SMARCA4: variants seen among roughly 807,000 people sequenced by gnomAD.
SMARCA4 encodes SWI/SNF related BAF chromatin remodeling complex subunit ATPase 4, also known as SWI/SNF-related matrix-associated actin-dependent regulator of chromatin subfamily A member 4.
In SMARCA4, 31 loss-of-function variants were observed where a neutral mutation model predicts 193.9. The ratio of observed to expected loss-of-function variants is 0.16; its 90% CI spans 0.12 to 0.22. SMARCA4 has a LOEUF of 0.22. Among genes scored for constraint, SMARCA4 ranks in the 10% least tolerant of loss-of-function variants. The pLI, the probability that SMARCA4 is intolerant of heterozygous loss-of-function variation, is 1.00. For missense variants in SMARCA4, 1,148 were observed against 2,296.0 expected (o/e 0.50, Z 10.22); for synonymous variants, 942 against 933.1 (o/e 1.01, Z -0.17).
At chr19:11,053,468 A>G (rs1183567886) in intron 30 of SMARCA4, among the ~76,000 whole-genome samples, 4 of 148,570 alleles carry the variant, frequency 2.7e-5, no homozygotes, top group South Asian at 4.2e-4. Flanking sequence ...AAAAAAAAAA[A>G]GAAAGAAATT....
chr19:11,020,808 T>C (rs1030883545), intron 18 of SMARCA4: 1 of 152,132 alleles, frequency 6.6e-6, no homozygotes, highest in Non-Finnish European at 1.5e-5. Context: ...ATACTGGGGC[T>C]GTGAACTGGG....
chr19:10,976,844 CA>C (rs1373747579), intron 1 of SMARCA4, among the ~76,000 whole-genome samples: 2 of 151,458 alleles, frequency 1.3e-5, no homozygotes, highest in Admixed American at 1.3e-4. Flanking sequence ...TGCCTGAGCT[CA>C]GGAGTTTGAG....
chr19:10,985,564 C>A lies in SMARCA4; in HGVS notation c.355+159C>A. ...CAGAGAGCTGTCTGGCATGGCGTGG[C>A]TGGTGCTCTGTTCTGGCCACCTCGT... On this transcript the variant is annotated intron_variant, in intron 3 of 34. Transcript: ENST00000344626. The surrounding 1 kb of genome is among the most constrained non-coding windows in gnomAD (Gnocchi z 4.5). 1 of 380,534 alleles carries A rather than the reference C, an allele frequency of 2.6e-6. No individual in the cohort carries two copies. The allele number at this position is 380,534 out of a possible 1,614,324, so 23.6% of individuals were successfully genotyped here. A position where few individuals can be genotyped will look rare whatever the true frequency, so the allele number is the denominator to read the frequency against.
chr19:10,971,033 C>G (rs2084626867), intron 1 of SMARCA4, among the ~76,000 whole-genome samples: 1 of 152,026 alleles, frequency 6.6e-6, no homozygotes, highest in African/African-American at 2.4e-5. Flanking sequence ...ACCTAGTCTA[C>G]TAAAAATACA....
chr19:11,007,863 G>T (rs1179713131), intron 13 of SMARCA4, 39 bp from the exon 14 acceptor site: 1 of 1,611,680 alleles, frequency 6.2e-7, no homozygotes, highest in African/African-American at 1.3e-5. Context: ...CCCCTCTCTG[G>T]GGGATGAACT....
At chr19:10,992,083 C>G (rs975265257) in intron 8 of SMARCA4, among the ~76,000 whole-genome samples, 1 of 151,112 alleles carries the variant, frequency 6.6e-6, no homozygotes, top group African/African-American at 2.4e-5. Flanking sequence ...GTAAAATAAT[C>G]TAGACAGTCA....
At chr19:11,059,003 G>C in intron 32 of SMARCA4, 114 bp downstream of exon 32, 1 of 832,152 alleles carries the variant, frequency 1.2e-6, no homozygotes, top group Non-Finnish European at 2.0e-6. Flanking sequence ...CGCTAGCTGT[G>C]GTGGTTCGTG....
chr19:11,056,018 T>G (rs1221087720), intron 30 of SMARCA4, among the ~76,000 whole-genome samples: 1 of 152,226 alleles, frequency 6.6e-6, no homozygotes, highest in Non-Finnish European at 1.5e-5. Flanking sequence ...GCGCAACTCT[T>G]GCTGTGCCTT....
At chr19:11,049,421 C>T (rs902439456) in intron 30 of SMARCA4, among the ~76,000 whole-genome samples, 2 of 151,320 alleles carry the variant, frequency 1.3e-5, no homozygotes, top group African/African-American at 4.9e-5. Flanking sequence ...TCTGTGGCTT[C>T]GGGTCAGGTT....
chr19:11,027,139 T>C (rs776740101), intron 23 of SMARCA4, among the ~76,000 whole-genome samples: 1 of 152,226 alleles, frequency 6.6e-6, no homozygotes, highest in Non-Finnish European at 1.5e-5. Context: ...CCTGGGGTAG[T>C]AAGCCATTTG....
chr19:11,051,491 C>CTTTTTT (rs554212827), intron 30 of SMARCA4, among the ~76,000 whole-genome samples: 1 of 133,528 alleles, frequency 7.5e-6, no homozygotes, highest in Admixed American at 7.5e-5. Context: ...GACATATTTC[C>CTTTTTT]TTTTTTTTTT....
In SMARCA4 at chr19:10,986,799, A is replaced by G; in HGVS notation, c.761-106A>G. The stretch of plus-strand genomic sequence containing the variant: ...CCGCTTCCCCTGGGGCCGCTGGTTA[A>G]TAGGTGTATCTGCTGTGTCCCCTGG... On this transcript the variant is annotated intron_variant, in intron 4 of 34. Transcript: ENST00000344626. The surrounding 1 kb of genome is among the most constrained non-coding windows in gnomAD (Gnocchi z 6.7). The G allele has an allele frequency of 8.0e-7, 1 of 1,243,506 alleles. No homozygotes were observed. Among genetic ancestry groups the G allele is most frequent in the East Asian group, 2.3e-5 (1 of 42,844 alleles). 77.0% of individuals were successfully genotyped at this position (1,243,506 alleles called of 1,614,324 possible). A position where few individuals can be genotyped will look rare whatever the true frequency, so the allele number is the denominator to read the frequency against.
At chr19:11,003,299 C>A (rs768492733) in intron 12 of SMARCA4, 41 bp from the exon 13 acceptor site, 1 of 1,603,758 alleles carries the variant, frequency 6.2e-7, no homozygotes, top group Non-Finnish European at 8.5e-7. Flanking sequence ...ATTCTGCTGG[C>A]TCTGAGCAGA....
intron 12 of SMARCA4, 56 bp from the exon 13 acceptor site, chr19:11,003,284 A>G (rs1297645943): frequency 1.9e-6 from 3 of 1,606,050 alleles, no homozygotes; most frequent in East Asian, 2.2e-5. Flanking sequence ...TGGTAGGGAA[A>G]GTGAATTCTG....
chr19:11,046,393 T>C (rs2146903657), intron 30 of SMARCA4, among the ~76,000 whole-genome samples: 1 of 152,344 alleles, frequency 6.6e-6, no homozygotes, highest in South Asian at 2.1e-4. Context: ...GGGATCCATG[T>C]GGGAGGATGC....
intron 30 of SMARCA4, among the ~76,000 whole-genome samples, chr19:11,051,301 A>G (rs2076244519): frequency 6.6e-6 from 1 of 152,134 alleles, no homozygotes; most frequent in South Asian, 2.1e-4. Context: ...AAAGCTTAGG[A>G]CAGGACAATT....
Position 11,033,948 on chromosome 19 carries a change from G to T in SMARCA4, c.3873+83G>T. ...GGCCAGCAAGGGCCCTGGTCCCACG[G>T]AGCGTGCGTGTGCGTGTGCGTGTGT... On this transcript the variant is annotated intron_variant, in intron 27 of 34. Coordinates refer to ENST00000344626, the MANE Select transcript of SMARCA4 (RefSeq NM_003072.5). The surrounding 1 kb of genome is among the most constrained non-coding windows in gnomAD (Gnocchi z 9.8). The T allele has an allele frequency of 1.3e-6, 1 of 749,354 alleles. No individual in the cohort carries two copies. Among genetic ancestry groups the T allele is most frequent in the Non-Finnish European group, 2.4e-6 (1 of 408,440 alleles). 46.4% of individuals were successfully genotyped at this position (749,354 alleles called of 1,614,324 possible).
chr19:10,965,112 C>T (rs1342020603), intron 1 of SMARCA4, among the ~76,000 whole-genome samples: 5 of 152,142 alleles, frequency 3.3e-5, no homozygotes, highest in Non-Finnish European at 1.5e-5. Flanking sequence ...AATAGTGCCC[C>T]CTGGAGTTGT....
intron 30 of SMARCA4, among the ~76,000 whole-genome samples, chr19:11,053,913 A>C (rs551554389): frequency 1.6e-3 from 247 of 152,300 alleles, no homozygotes; most frequent in African/African-American, 5.5e-3. Context: ...CGTGTCTGTA[A>C]AAAGAGAGAA....
Sources: allele counts gnomAD v4.1 joint callset (sites outside exome capture counted in the v4.1 genomes callset), GRCh38; gene constraint gnomAD v4.1.1; non-coding constraint Gnocchi (gnomAD v3.1); transcripts MANE v1.5; gene names NCBI Gene and HGNC (gene_info 2026-07-23, HGNC 2026-07-21).